Variants in TLE1 observed in about 807,000 individuals in gnomAD.
The protein encoded by TLE1 is transducin-like enhancer protein 1.
Under a neutral mutation model 89.8 loss-of-function variants are expected in TLE1, and 21 were observed. The observed-to-expected ratio is 0.23, with a 90% confidence interval of 0.17 to 0.34. The LOEUF (loss-of-function observed/expected upper bound fraction) is 0.34. TLE1 is among the 10% of genes least tolerant of loss of function. The probability of loss-of-function intolerance (pLI) is 1.00; values close to 1 mark genes in which losing one functional copy is unlikely to be tolerated. For synonymous variants in TLE1, 447 were observed against 407.6 expected (o/e 1.10, Z -1.16); for missense variants, 795 against 1,031.2 (o/e 0.77, Z 3.14).
chr9:81,599,422 T>C (rs542316781), intron 14 of TLE1, among the ~76,000 whole-genome samples: 1 of 152,058 alleles, frequency 6.6e-6, no homozygotes, highest in Admixed American at 6.5e-5. Context: ...GTGAGCAACA[T>C]AAGGCATGTC....
At chr9:81,599,916 A>G (rs1394898537) in intron 14 of TLE1, 2 of 501,976 alleles carry the variant, frequency 4.0e-6, no homozygotes, top group East Asian at 5.9e-5. Context: ...TTTTTTTTAA[A>G]GGCAAATACA....
chr9:81,656,766 G>A (rs1830194888), intron 4 of TLE1, among the ~76,000 whole-genome samples: 1 of 152,190 alleles, frequency 6.6e-6, no homozygotes, highest in African/African-American at 2.4e-5. Context: ...GCATATAGAT[G>A]TCTAAGTACT....
At chr9:81,595,457 C>T (rs995705456) in intron 14 of TLE1, among the ~76,000 whole-genome samples, 14 of 152,156 alleles carry the variant, frequency 9.2e-5, no homozygotes, top group African/African-American at 3.1e-4. Context: ...GCTCCATACT[C>T]TGGGTCCAAA....
At chr9:81,679,101 T>C (rs943157620) in intron 4 of TLE1, among the ~76,000 whole-genome samples, 1 of 152,140 alleles carries the variant, frequency 6.6e-6, no homozygotes. Flanking sequence ...TGAACCAAGA[T>C]TGCGCTACTA....
chr9:81,682,103 A>T (rs961038741), intron 4 of TLE1, among the ~76,000 whole-genome samples: 1 of 152,072 alleles, frequency 6.6e-6, no homozygotes, highest in Non-Finnish European at 1.5e-5. Context: ...AGAAAAAAAA[A>T]GTTAGCCGGG....
chr9:81,620,400 G>A, intron 9 of TLE1, 41 bp downstream of exon 9: 2 of 1,478,534 alleles, frequency 1.4e-6, no homozygotes, highest in Admixed American at 1.7e-5. Context: ...CAGGTGAGCA[G>A]TAAGCAAACA....
chr9:81,643,225 G>A (rs1828380863), intron 6 of TLE1, among the ~76,000 whole-genome samples: 1 of 147,524 alleles, frequency 6.8e-6, no homozygotes, highest in Non-Finnish European at 1.5e-5. Context: ...TTTGTGGTGT[G>A]TTTGTTTTTT....
At chr9:81,606,844 C>T (rs987679337) in intron 14 of TLE1, among the ~76,000 whole-genome samples, 1 of 151,306 alleles carries the variant, frequency 6.6e-6, no homozygotes, top group Non-Finnish European at 1.5e-5. Flanking sequence ...CAGATCCTGG[C>T]AACAATGGCA....
chr9:81,591,940 C>T (rs1171640719), intron 15 of TLE1, among the ~76,000 whole-genome samples: 2 of 152,192 alleles, frequency 1.3e-5, no homozygotes, highest in Admixed American at 1.3e-4. Flanking sequence ...GCAGTGGGTA[C>T]GTGGCACCAT....
chr9:81,585,563 G>A lies in TLE1; in HGVS notation c.2070C>T (p.Asp690=). The stretch of plus-strand genomic sequence containing the variant: ...TCTCATGCAGGTGCAGCTGGTACTT[G>A]TCAGGCTTGTTCACGTGCAGCACCT... ...NVEVLHVNKP[D]KYQLHLHESC... The change falls in exon 18 of 20, where the codon GAC becomes GAT. Residue 690 remains aspartate (D), a synonymous_variant. Coordinates refer to ENST00000376499, the MANE Select transcript of TLE1 (RefSeq NM_005077.5). 6.2e-7 allele frequency: 1 copy of A among 1,614,168 alleles called. No individual in the cohort carries two copies. Among genetic ancestry groups the A allele is most frequent in the Non-Finnish European group, 8.5e-7 (1 of 1,180,042 alleles).
chr9:81,617,025 A>G (rs1824608964), intron 9 of TLE1, among the ~76,000 whole-genome samples: 1 of 151,880 alleles, frequency 6.6e-6, no homozygotes, highest in Admixed American at 6.6e-5. Flanking sequence ...CAACAGCTGA[A>G]TTTCTCGAGG....
chr9:81,604,325 T>TA (rs1336345095), intron 14 of TLE1, among the ~76,000 whole-genome samples: 6 of 152,136 alleles, frequency 3.9e-5, no homozygotes, highest in African/African-American at 1.4e-4. Context: ...ATCTGGATCT[T>TA]AGTGAGCAGG....
intron 9 of TLE1, among the ~76,000 whole-genome samples, 166 bp from the exon 10 acceptor site, chr9:81,616,865 T>C (rs1824587797): frequency 6.6e-6 from 1 of 152,210 alleles, no homozygotes; most frequent in African/African-American, 2.4e-5. Flanking sequence ...TATTATCATC[T>C]TCCCCCTCTT....
At chr9:81,670,305 A>G (rs900594717) in intron 4 of TLE1, among the ~76,000 whole-genome samples, 2 of 152,094 alleles carry the variant, frequency 1.3e-5, no homozygotes, top group African/African-American at 4.8e-5. Flanking sequence ...TATTCTCACA[A>G]TGCAAAGTCT....
chr9:81,676,359 C>A (rs1275765997), intron 4 of TLE1, among the ~76,000 whole-genome samples: 1 of 152,186 alleles, frequency 6.6e-6, no homozygotes, highest in African/African-American at 2.4e-5. Context: ...TTACAGGACA[C>A]TGAGCAAAAC....
At chr9:81,671,473 C>T (rs1234820758) in intron 4 of TLE1, among the ~76,000 whole-genome samples, 1 of 151,956 alleles carries the variant, frequency 6.6e-6, no homozygotes, top group African/African-American at 2.4e-5. Context: ...GGTGAAACCC[C>T]ACCTCTACTA....
intron 6 of TLE1, among the ~76,000 whole-genome samples, chr9:81,634,933 G>T (rs965631806): frequency 3.3e-5 from 5 of 152,180 alleles, no homozygotes; most frequent in African/African-American, 1.2e-4. Context: ...CTGGGTGGGT[G>T]TCTCATGCAC....
At chr9:81,665,558 T>G (rs183000278) in intron 4 of TLE1, among the ~76,000 whole-genome samples, 1 of 151,940 alleles carries the variant, frequency 6.6e-6, no homozygotes, top group African/African-American at 2.4e-5. Context: ...TGGGCACAGA[T>G]AGCAACACTA....
At position 81,605,848 on chromosome 9, in the gene TLE1, T is replaced by A. The variant is rs1400880225; in HGVS notation, c.1331+4372A>T. Among the ~76,000 whole-genome samples, 9 of 146,360 alleles carry A rather than the reference T, an allele frequency of 6.1e-5. No individual in the cohort carries two copies. In the East Asian group the frequency reaches 1.4e-3, roughly 22 times the overall value. On this transcript the variant is annotated intron_variant, in intron 14 of 19. Coordinates refer to ENST00000376499, the MANE Select transcript of TLE1 (RefSeq NM_005077.5). ...TAGAGTGAACAGGCAACCTACAGAATGGGAGAAAATTTTTGCAATCTACCC... is the reference window on the plus strand; with the variant it reads ...TAGAGTGAACAGGCAACCTACAGAAAGGGAGAAAATTTTTGCAATCTACCC...
Sources: gnomAD v4.1 joint callset for allele counts (sites outside exome capture counted in the v4.1 genomes callset) on GRCh38, gnomAD v4.1.1 for gene constraint, MANE v1.5 for transcripts, NCBI Gene and HGNC (gene_info 2026-07-23, HGNC 2026-07-21) for gene names.